Variants in POLR2B observed in about 807,000 individuals in gnomAD.
The protein encoded by POLR2B is RNA polymerase II subunit B.
Under a neutral mutation model 144.6 loss-of-function variants are expected in POLR2B, and 57 were observed. The ratio of observed to expected loss-of-function variants is 0.39; its 90% confidence interval spans 0.32 to 0.49. The LOEUF is 0.49. Among genes scored for constraint, POLR2B ranks in the 20% least tolerant of loss-of-function variants. POLR2B has a pLI of 0.83. For synonymous variants in POLR2B, 442 were observed against 469.8 expected (o/e 0.94, Z 0.77); for missense variants, 595 against 1,467.4 (o/e 0.41, Z 9.71).
chr4:56,994,263 C>A, intron 3 of POLR2B, 141 bp from the exon 4 acceptor site: 1 of 590,304 alleles, frequency 1.7e-6, no homozygotes, highest in Non-Finnish European at 3.1e-6. Flanking sequence ...TTGGGAAGTC[C>A]CCATTTCAGT....
At chr4:56,996,206 ATGTGTGTG>A (rs59059584) in intron 6 of POLR2B, among the ~76,000 whole-genome samples, 25 of 115,338 alleles carry the variant, frequency 2.2e-4, no homozygotes, top group East Asian at 1.3e-3. Flanking sequence ...ATTTCAGTTC[ATGTGTGTG>A]TGTGTGTGTG....
At chr4:57,004,691 CTT>C (rs969569747) in intron 7 of POLR2B, among the ~76,000 whole-genome samples, 1 of 152,102 alleles carries the variant, frequency 6.6e-6, no homozygotes, top group African/African-American at 2.4e-5. Flanking sequence ...ACGCACCACT[CTT>C]TTTCCTTTTG....
intron 1 of POLR2B, among the ~76,000 whole-genome samples, chr4:56,983,298 T>C (rs1370415709): frequency 6.6e-6 from 1 of 151,976 alleles, no homozygotes; most frequent in African/African-American, 2.4e-5. Context: ...TAGGATTCTT[T>C]CTTGACTCCT....
At chr4:57,014,575 T>G (rs1219687240) in intron 13 of POLR2B, among the ~76,000 whole-genome samples, 1 of 145,342 alleles carries the variant, frequency 6.9e-6, no homozygotes, top group African/African-American at 2.6e-5. Context: ...TGATCTAGGC[T>G]CACTGCAAGC....
chr4:56,980,469 C>G (rs553800391), intron 1 of POLR2B, among the ~76,000 whole-genome samples: 3 of 152,190 alleles, frequency 2.0e-5, no homozygotes, highest in African/African-American at 7.2e-5. Context: ...CGCCTGTTAT[C>G]CCAGCATTTT....
At chr4:57,000,971 C>T (rs1722834156) in intron 7 of POLR2B, among the ~76,000 whole-genome samples, 1 of 152,100 alleles carries the variant, frequency 6.6e-6, no homozygotes, top group African/African-American at 2.4e-5. Context: ...GATAGGATTA[C>T]AACAATACTG....
intron 7 of POLR2B, among the ~76,000 whole-genome samples, chr4:57,003,838 CTG>C (rs1722926557): frequency 6.6e-6 from 1 of 150,936 alleles, no homozygotes; most frequent in Admixed American, 6.6e-5. Flanking sequence ...GGGAGACTGA[CTG>C]TGTCTCTTAA....
chr4:57,027,614 G>A (rs1313070978), intron 23 of POLR2B, among the ~76,000 whole-genome samples: 1 of 152,156 alleles, frequency 6.6e-6, no homozygotes, highest in African/African-American at 2.4e-5. Flanking sequence ...CCTGGCCTGT[G>A]GATATTTTTT....
At chr4:56,985,414 C>A (rs924727245) in intron 1 of POLR2B, 1 of 985,058 alleles carries the variant, frequency 1.0e-6, no homozygotes, top group Non-Finnish European at 1.2e-6. Context: ...GCGGGGATGG[C>A]ACTCCCCCCC....
intron 1 of POLR2B, among the ~76,000 whole-genome samples, chr4:56,983,535 C>G (rs1278428422): frequency 1.3e-5 from 2 of 151,972 alleles, no homozygotes; most frequent in East Asian, 3.9e-4. Flanking sequence ...CCATGCCCTT[C>G]TAATTTTTGT....
At chr4:57,026,471 G>C (rs1203550606) in intron 23 of POLR2B, among the ~76,000 whole-genome samples, 1 of 152,072 alleles carries the variant, frequency 6.6e-6, no homozygotes. Flanking sequence ...CAAATGTCTT[G>C]ATCCCGGGAA....
chr4:56,994,668 T>C lies in POLR2B; in HGVS notation c.378T>C (p.Val126=). 6.2e-7 allele frequency: 1 copy of C among 1,611,268 alleles called. No homozygotes were observed. The highest frequency in any genetic ancestry group is 1.1e-5 in the South Asian group (1 of 91,034). Residue 126 remains valine, a synonymous_variant, in exon 5 of 25, where the codon GTT becomes GTC. Coordinates refer to ENST00000314595, the MANE Select transcript of POLR2B (RefSeq NM_000938.3). ...AAAGGTATTCTGCTCCGCTTTATGT[T>C]GATATAACAAAAACAGTCATTAAAG... ...RNLTYSAPLY[V]DITKTVIKEG...
chr4:57,031,101 G>A lies in POLR2B; in HGVS notation c.*113G>A. On this transcript the variant is annotated 3_prime_UTR_variant, in exon 25 of 25. Transcript: ENST00000314595. Reference sequence around the variant, plus strand: ...TGTTGTGATAAAAAGTATTTTATTTGTTTAATGATATGCATGCTTTTCTTC... The same window carrying A: ...TGTTGTGATAAAAAGTATTTTATTTATTTAATGATATGCATGCTTTTCTTC... 2 of 762,438 alleles carry A rather than the reference G, an allele frequency of 2.6e-6. No individual in the cohort carries two copies. The highest frequency in any genetic ancestry group is 4.9e-5 in the Admixed American group (2 of 41,014). The allele number at this position is 762,438 out of a possible 1,614,324, so 47.2% of individuals were successfully genotyped here.
At chr4:56,979,477 C>T (rs114186446) in intron 1 of POLR2B, among the ~76,000 whole-genome samples, 3,639 of 151,888 alleles carry the variant, frequency 0.024, 55 homozygotes, top group Non-Finnish European at 0.035. Flanking sequence ...TCGGTTTAGT[C>T]TGACATTTCT....
chr4:57,015,419 G>A, intron 13 of POLR2B, 83 bp from the exon 14 acceptor site: 1 of 680,574 alleles, frequency 1.5e-6, no homozygotes, highest in Non-Finnish European at 2.2e-6. Context: ...AAATTTAGTA[G>A]GATTTGTATT....
At chr4:56,996,748 A>G (rs569667425) in intron 6 of POLR2B, among the ~76,000 whole-genome samples, 4 of 152,244 alleles carry the variant, frequency 2.6e-5, no homozygotes, top group East Asian at 1.9e-4. Flanking sequence ...CATGTGCACA[A>G]CATTGCTGGG....
At chr4:57,000,617 A>G (rs1261893821) in intron 7 of POLR2B, among the ~76,000 whole-genome samples, 1 of 152,164 alleles carries the variant, frequency 6.6e-6, no homozygotes, top group African/African-American at 2.4e-5. Flanking sequence ...TTCAGTGTAT[A>G]TTTCCTAAGA....
chr4:57,019,375 C>CTT (rs556542796), intron 16 of POLR2B, among the ~76,000 whole-genome samples: 18 of 145,544 alleles, frequency 1.2e-4, no homozygotes, highest in African/African-American at 4.3e-4. Context: ...TTTTGAAATT[C>CTT]TTTTTTTTTT....
At chr4:57,018,141 G>A (rs1723427034) in intron 16 of POLR2B, among the ~76,000 whole-genome samples, 1 of 152,130 alleles carries the variant, frequency 6.6e-6, no homozygotes, top group Non-Finnish European at 1.5e-5. Context: ...GGAAGTGAAA[G>A]CTTGGTCTCA....
Sources: allele counts gnomAD v4.1 joint callset (sites outside exome capture counted in the v4.1 genomes callset), GRCh38; gene constraint gnomAD v4.1.1; transcripts MANE v1.5; gene names NCBI Gene and HGNC (gene_info 2026-07-23, HGNC 2026-07-21).